Variants in PDE7B observed in about 807,000 individuals in gnomAD.
PDE7B encodes 3',5'-cyclic-AMP phosphodiesterase 7B.
In PDE7B, 29 loss-of-function variants were observed where a neutral mutation model predicts 56.2. The ratio of observed to expected loss-of-function variants is 0.52; its 90% CI spans 0.38 to 0.70. The LOEUF (loss-of-function observed/expected upper bound fraction) is 0.70, where lower values mean the gene tolerates loss of function less well. Among genes scored for constraint, PDE7B ranks in the 30% least tolerant of loss-of-function variants. The probability of loss-of-function intolerance (pLI) is 0.00; values close to 1 mark genes in which losing one functional copy is unlikely to be tolerated. For missense variants in PDE7B, 490 were observed against 565.0 expected, an observed-to-expected ratio of 0.87 and a Z score of 1.35; for synonymous variants, 197 against 196.9, an observed-to-expected ratio of 1.00 and a Z score of 0.00.
At chr6:136,173,724 G>A (rs1332740180) in intron 8 of PDE7B, 73 bp from the exon 9 acceptor site, 1 of 982,682 alleles carries the variant, frequency 1.0e-6, no homozygotes, top group Admixed American at 1.7e-5. Flanking sequence ...AGCGTCCGTG[G>A]AGCTGTGTTC....
At chr6:136,163,329 C>T (rs1778739833) in intron 8 of PDE7B, among the ~76,000 whole-genome samples, 7 of 152,224 alleles carry the variant, frequency 4.6e-5, no homozygotes, top group Admixed American at 4.6e-4. Context: ...TGGGGTTGCA[C>T]CTTCTGAAGC....
intron 8 of PDE7B, among the ~76,000 whole-genome samples, chr6:136,163,502 G>A (rs552005348): frequency 2.0e-5 from 3 of 152,336 alleles, no homozygotes; most frequent in African/African-American, 7.2e-5. Flanking sequence ...GATGGTTCGG[G>A]CTGCCATGGA....
At chr6:136,173,497 G>T (rs563267100) in intron 8 of PDE7B, among the ~76,000 whole-genome samples, 27 of 152,266 alleles carry the variant, frequency 1.8e-4, no homozygotes, top group African/African-American at 5.3e-4. Context: ...ATTTAGCGTG[G>T]CCTGACTGAG....
At chr6:135,865,718 G>C (rs1395235722) in intron 1 of PDE7B, among the ~76,000 whole-genome samples, 2 of 151,832 alleles carry the variant, frequency 1.3e-5, no homozygotes, top group Non-Finnish European at 2.9e-5. Flanking sequence ...GATGTTATCT[G>C]TCTCTAGATA....
intron 2 of PDE7B, among the ~76,000 whole-genome samples, chr6:136,023,528 G>T (rs764980685): frequency 6.6e-6 from 1 of 152,192 alleles, no homozygotes; most frequent in Non-Finnish European, 1.5e-5. Flanking sequence ...AGGCTGAGGA[G>T]CAGATAATTC....
chr6:135,868,700 T>A (rs1346680004), intron 1 of PDE7B, among the ~76,000 whole-genome samples: 1 of 152,176 alleles, frequency 6.6e-6, no homozygotes, highest in Admixed American at 6.5e-5. Flanking sequence ...CCAAAAGTAC[T>A]GAGATTACAG....
intron 2 of PDE7B, chr6:136,038,640 T>G (rs777711643): frequency 2.2e-5 from 17 of 764,206 alleles, no homozygotes; most frequent in Non-Finnish European, 3.1e-5. Context: ...GCATCAGGTC[T>G]GAGGGCTGTG....
chr6:136,108,875 T>G, intron 3 of PDE7B, 61 bp downstream of exon 3: 2 of 1,031,640 alleles, frequency 1.9e-6, no homozygotes, highest in Non-Finnish European at 3.1e-6. Flanking sequence ...AAAAAAAAAA[T>G]CCTCATTTCC....
chr6:135,926,546 G>A (rs1774193984), intron 1 of PDE7B, among the ~76,000 whole-genome samples: 1 of 151,996 alleles, frequency 6.6e-6, no homozygotes, highest in Non-Finnish European at 1.5e-5. Flanking sequence ...CTGTGTCTTT[G>A]GCTCCTATAC....
intron 1 of PDE7B, among the ~76,000 whole-genome samples, chr6:135,886,153 A>C (rs1775705095): frequency 6.6e-6 from 1 of 152,174 alleles, no homozygotes; most frequent in Non-Finnish European, 1.5e-5. Flanking sequence ...AGTGAAAAAT[A>C]CTAAGATACC....
At chr6:135,970,544 A>C (rs1293866993) in intron 2 of PDE7B, among the ~76,000 whole-genome samples, 1 of 152,176 alleles carries the variant, frequency 6.6e-6, no homozygotes, top group African/African-American at 2.4e-5. Flanking sequence ...AATGGGGCCT[A>C]AGATTAGGTC....
At chr6:135,906,829 T>TTTGTTTTTTTTTTTTTTTG (rs1562434155) in intron 1 of PDE7B, among the ~76,000 whole-genome samples, 78 of 142,676 alleles carry the variant, frequency 5.5e-4, no homozygotes, top group African/African-American at 2.1e-3. Flanking sequence ...TTTTTTTTTT[T>TTTGTTTTTTTTTTTTTTTG]TTTTTTTAAT....
At chr6:136,042,121 G>A (rs1776423916) in intron 2 of PDE7B, among the ~76,000 whole-genome samples, 2 of 152,104 alleles carry the variant, frequency 1.3e-5, no homozygotes, top group Non-Finnish European at 2.9e-5. Flanking sequence ...TTATTCTGTG[G>A]GCTTTAGTCT....
intron 1 of PDE7B, among the ~76,000 whole-genome samples, chr6:135,933,503 T>C (rs1774329553): frequency 6.6e-6 from 1 of 152,246 alleles, no homozygotes; most frequent in South Asian, 2.1e-4. Context: ...AGCTAAGATA[T>C]AACTCTTGCC....
At chr6:136,136,367 A>AT (rs1174451178) in intron 3 of PDE7B, among the ~76,000 whole-genome samples, 1 of 152,132 alleles carries the variant, frequency 6.6e-6, no homozygotes, top group Non-Finnish European at 1.5e-5. Context: ...CTTTGTGGAA[A>AT]TTCAAAGAAA....
chr6:135,903,853 T>C (rs1275395674), intron 1 of PDE7B, among the ~76,000 whole-genome samples: 2 of 152,234 alleles, frequency 1.3e-5, no homozygotes, highest in Non-Finnish European at 2.9e-5. Context: ...TGGCATCCTC[T>C]ATAGGGTGCC....
intron 9 of PDE7B, among the ~76,000 whole-genome samples, chr6:136,176,511 GGTTT>G (rs1303701018): frequency 3.3e-5 from 5 of 151,974 alleles, no homozygotes; most frequent in African/African-American, 7.2e-5. Flanking sequence ...AATGTACCAT[GGTTT>G]ATTTAACTAA....
chr6:135,862,163 G>A (rs1775162638), intron 1 of PDE7B, among the ~76,000 whole-genome samples: 1 of 151,702 alleles, frequency 6.6e-6, no homozygotes, highest in African/African-American at 2.4e-5. Flanking sequence ...ATATTATCTT[G>A]TTTCCAGTCT....
chr6:136,154,538 TG>T lies in PDE7B; in HGVS notation c.579+366del, dbSNP rs1157612990. On this transcript the variant is annotated intron_variant, in intron 7 of 12. Transcript: ENST00000308191. ...AAACAGCACCAGCATTGAACTTTGT[TG>T]GGAAAAGTCTCCTACTGCATGAGTT... is the stretch of plus-strand genomic sequence containing the variant. Among the ~76,000 whole-genome samples, 4 of 152,160 alleles carry T rather than the reference TG, an allele frequency of 2.6e-5. No homozygotes were observed. In the East Asian group the frequency reaches 7.7e-4, roughly 29 times the overall value.
Sources: allele counts gnomAD v4.1 joint callset (sites outside exome capture counted in the v4.1 genomes callset), GRCh38; gene constraint gnomAD v4.1.1; transcripts MANE v1.5; gene names NCBI Gene and HGNC (gene_info 2026-07-23, HGNC 2026-07-21).